GAL3ST3: variants seen among roughly 807,000 people sequenced by gnomAD.
GAL3ST3 encodes galactose-3-O-sulfotransferase 3.
GAL3ST3 carries 21 observed loss-of-function variants against 20.8 expected under a neutral mutation model. That is an observed-to-expected ratio of 1.01 (90% CI 0.72 to 1.45). The LOEUF (loss-of-function observed/expected upper bound fraction) is 1.45. Ranked by LOEUF, GAL3ST3 falls within the 40% of genes most tolerant of loss-of-function variation. The pLI is 0.00. For missense variants in GAL3ST3, 739 were observed against 662.7 expected (o/e 1.12, Z -1.26); for synonymous variants, 355 against 307.2 (o/e 1.16, Z -1.63).
At chr11:66,044,980 C>T (rs540635096) in intron 2 of GAL3ST3, 64 of 215,926 alleles carry the variant, frequency 3.0e-4, no homozygotes, top group African/African-American at 1.4e-3. Context: ...AACGGGGGCT[C>T]GGAGAAGTGA....
At chr11:66,044,560 C>T (rs2135021008) in intron 2 of GAL3ST3, among the ~76,000 whole-genome samples, 1 of 152,288 alleles carries the variant, frequency 6.6e-6, no homozygotes, top group Admixed American at 6.5e-5. Context: ...TTTGCAGCAA[C>T]CCATTGTTAT....
chr11:66,043,686 C>A lies in GAL3ST3; in HGVS notation c.126-9G>T. The A allele has an allele frequency of 6.3e-7, 1 of 1,592,000 alleles. No homozygotes were observed. Reference sequence around the variant, plus strand: ...GGAACAGCTTGGGGTACCTGCCAGGCCCAGGGAGTGTGCGGAGAGGAGGGT... The same window carrying A: ...GGAACAGCTTGGGGTACCTGCCAGGACCAGGGAGTGTGCGGAGAGGAGGGT... On this transcript the variant is annotated splice_polypyrimidine_tract_variant and intron_variant, in intron 2 of 2. Coordinates refer to ENST00000312006, the MANE Select transcript of GAL3ST3 (RefSeq NM_033036.3).
rs1244356294 is a variant in GAL3ST3, at chr11:66,043,532, T to C, written c.271A>G (p.Asn91Asp). Residue 91 changes from asparagine (N) to aspartate (D), a missense_variant, in exon 3 of 3, where the codon AAC becomes GAC. Coordinates refer to ENST00000312006, the MANE Select transcript of GAL3ST3 (RefSeq NM_033036.3). ...NILFRFAERH[N>D]LTVALPHPSC... ...GGGTGCGGCAGGGCCACCGTCAGGT[T>C]GTGGCGCTCGGCAAAGCGAAACAGG... 6.2e-7 allele frequency: 1 copy of C among 1,610,800 alleles called. No homozygotes were observed. The highest frequency in any genetic ancestry group is 8.5e-7 in the Non-Finnish European group (1 of 1,179,788).
At position 66,042,629 on chromosome 11, in the gene GAL3ST3, A is replaced by G; in HGVS notation, c.1174T>C (p.Ser392Pro). The part of the protein sequence containing the change: ...LKLAMPEVQY[S>P]NYLLRKQKRR... ...TTCTGCTTGCGCAACAGGTAGTTCGAGTACTGGACCTCGGGCATGGCCAGC... is the reference window on the plus strand; with the variant it reads ...TTCTGCTTGCGCAACAGGTAGTTCGGGTACTGGACCTCGGGCATGGCCAGC... Residue 392 changes from serine to proline, a missense_variant, in exon 3 of 3, where the codon TCG becomes CCG. Transcript: ENST00000312006. The G allele has an allele frequency of 1.3e-6, 2 of 1,536,578 alleles. No individual in the cohort carries two copies. Among genetic ancestry groups the G allele is most frequent in the Non-Finnish European group, 1.7e-6 (2 of 1,147,150 alleles).
chr11:66,045,194 C>T (rs1856767658), intron 2 of GAL3ST3, 97 bp downstream of exon 2: 1 of 1,132,896 alleles, frequency 8.8e-7, no homozygotes, highest in African/African-American at 1.6e-5. Flanking sequence ...AAAGCACTTT[C>T]AGAATAGAGG....
At chr11:66,046,789 C>CG (rs1205390874) in intron 1 of GAL3ST3, among the ~76,000 whole-genome samples, 1 of 152,138 alleles carries the variant, frequency 6.6e-6, no homozygotes, top group Non-Finnish European at 1.5e-5. Flanking sequence ...TCCTTCTCCA[C>CG]GGGGGAGGGG....
rs146692707 is a variant in GAL3ST3 at position 66,043,221 on chromosome 11, G to C, written c.582C>G (p.Gly194=). The change falls in exon 3 of 3, where the codon GGC becomes GGG. Residue 194 remains glycine, a synonymous_variant. Transcript: ENST00000312006. ...LRAPEAYYRA[G]EHFAMFAHNT... ...TGTGTGCGAACATGGCGAAGTGCTCGCCAGCGCGGTAGTATGCCTCGGGCG... is the reference window on the plus strand; with the variant it reads ...TGTGTGCGAACATGGCGAAGTGCTCCCCAGCGCGGTAGTATGCCTCGGGCG... 11 of 1,612,254 alleles carry C rather than the reference G, an allele frequency of 6.8e-6. No homozygotes were observed. In the African/African-American group the frequency reaches 1.2e-4, roughly 18 times the overall value.
chr11:66,043,369 G>A lies in GAL3ST3; in HGVS notation c.434C>T (p.Thr145Ile). Residue 145 changes from threonine to isoleucine, a missense_variant, in exon 3 of 3, where the codon ACC becomes ATC. Thr to Ile is a moderately conservative substitution (Grantham distance 89, BLOSUM62 -1). Coordinates refer to ENST00000312006, the MANE Select transcript of GAL3ST3 (RefSeq NM_033036.3). ...AELERLMPPS[T>I]VYVTILREPA... Reference sequence around the variant, plus strand: ...CTCGCGCAGGATGGTGACATAGACGGTGCTGGGCGGCATGAGGCGCTCCAG... The same window carrying A: ...CTCGCGCAGGATGGTGACATAGACGATGCTGGGCGGCATGAGGCGCTCCAG... The A allele has an allele frequency of 1.2e-6, 2 of 1,610,190 alleles. No individual in the cohort carries two copies. The highest frequency in any genetic ancestry group is 1.1e-5 in the South Asian group (1 of 90,794).
chr11:66,047,370 G>A (rs955558566), intron 1 of GAL3ST3, among the ~76,000 whole-genome samples: 14 of 152,200 alleles, frequency 9.2e-5, no homozygotes, highest in African/African-American at 3.4e-4. Context: ...GAGGATTCAG[G>A]GTCAGCCAAG....
At chr11:66,048,794 C>T (rs550935478) in intron 1 of GAL3ST3, among the ~76,000 whole-genome samples, 1 of 152,124 alleles carries the variant, frequency 6.6e-6, no homozygotes, top group African/African-American at 2.4e-5. Flanking sequence ...CCAGCATCCC[C>T]CAGGGATCCT....
At chr11:66,047,315 C>T (rs115793637) in intron 1 of GAL3ST3, among the ~76,000 whole-genome samples, 155 of 152,332 alleles carry the variant, frequency 1.0e-3, no homozygotes, top group African/African-American at 3.5e-3. Flanking sequence ...AGAGGGGAGT[C>T]TACATCCACC....
intron 1 of GAL3ST3, among the ~76,000 whole-genome samples, chr11:66,047,413 G>C (rs1047604690): frequency 5.3e-5 from 8 of 152,184 alleles, no homozygotes; most frequent in Admixed American, 4.6e-4. Context: ...GACCTTTCCC[G>C]AGGGCAGAGC....
At position 66,045,451 on chromosome 11, in the gene GAL3ST3, A is replaced by G. The variant is rs1356252428; in HGVS notation, c.-36T>C. The G allele has an allele frequency of 4.6e-6, 7 of 1,527,498 alleles. No homozygotes were observed. Among genetic ancestry groups the G allele is most frequent in the Non-Finnish European group, 6.2e-6 (7 of 1,134,940 alleles). The allele number at this position is 1,527,498 out of a possible 1,614,324, so 94.6% of individuals were successfully genotyped here. A position where few individuals can be genotyped will look rare whatever the true frequency, so the allele number is the denominator to read the frequency against. On this transcript the variant is annotated 5_prime_UTR_variant, in exon 2 of 3. Coordinates refer to ENST00000312006, the MANE Select transcript of GAL3ST3 (RefSeq NM_033036.3). ...CCACCCCTGGACCAGCCAGGGCCTCACTATCCAGGACTCCCTTCACAGGCA... is the reference window on the plus strand; with the variant it reads ...CCACCCCTGGACCAGCCAGGGCCTCGCTATCCAGGACTCCCTTCACAGGCA...
chr11:66,045,216 G>A (rs1234355453), intron 2 of GAL3ST3, 75 bp downstream of exon 2: 1 of 1,311,060 alleles, frequency 7.6e-7, no homozygotes, highest in African/African-American at 1.5e-5. Flanking sequence ...GAGGAGCAAA[G>A]CCTAGCAGGA....
At position 66,042,636 on chromosome 11, in the gene GAL3ST3, G is replaced by A. The variant is rs1042753729; in HGVS notation, c.1167C>T (p.Val389=). 43 of 1,536,226 alleles carry A rather than the reference G, an allele frequency of 2.8e-5. No individual in the cohort carries two copies. The African/African-American group carries it at 5.5e-4, about 20-fold the overall frequency. Residue 389 remains valine (V), a synonymous_variant, in exon 3 of 3, where the codon GTC becomes GTT. Coordinates refer to ENST00000312006, the MANE Select transcript of GAL3ST3 (RefSeq NM_033036.3). ...EACLKLAMPE[V]QYSNYLLRKQ... Reference sequence around the variant, plus strand: ...TGCGCAACAGGTAGTTCGAGTACTGGACCTCGGGCATGGCCAGCTTGAGGC... The same window carrying A: ...TGCGCAACAGGTAGTTCGAGTACTGAACCTCGGGCATGGCCAGCTTGAGGC...
In GAL3ST3 at chr11:66,043,272, G is replaced by C; in HGVS notation, c.531C>G (p.Asn177Lys). 1.2e-6 allele frequency: 2 copies of C among 1,612,148 alleles called. No homozygotes were observed. The highest frequency in any genetic ancestry group is 1.7e-6 in the Non-Finnish European group (2 of 1,179,164). ...QYCPAFRRVP[N>K]ASLEAFLRAP... Reference sequence around the variant, plus strand: ...CGCGCAGGAAGGCCTCGAGCGAGGCGTTGGGTACGCGCCGGAAGGCCGGGC... The same window carrying C: ...CGCGCAGGAAGGCCTCGAGCGAGGCCTTGGGTACGCGCCGGAAGGCCGGGC... Residue 177 changes from asparagine to lysine, a missense_variant, in exon 3 of 3, where the codon AAC becomes AAG. Physicochemically the swap from Asn to Lys is moderately conservative, Grantham distance 94. Coordinates refer to ENST00000312006, the MANE Select transcript of GAL3ST3 (RefSeq NM_033036.3).
chr11:66,044,268 C>A (rs930499928), intron 2 of GAL3ST3, among the ~76,000 whole-genome samples: 14 of 152,194 alleles, frequency 9.2e-5, no homozygotes, highest in Non-Finnish European at 1.2e-4. Context: ...TCCAGAAGTT[C>A]CCAGTAAGCC....
Position 66,042,933 on chromosome 11 carries a change from C to G in GAL3ST3, c.870G>C (p.Trp290Cys), listed in dbSNP as rs947013979. Residue 290 changes from tryptophan (W) to cysteine (C), a missense_variant, in exon 3 of 3, where the codon TGG becomes TGC. Transcript: ENST00000312006. ...PAALARAARTWNALDAGLYDH... is the reference protein window; with the variant it reads ...PAALARAARTCNALDAGLYDH... ...CGTAGAGGCCGGCGTCCAGGGCGTT[C>G]CAGGTGCGCGCCGCCCGCGCCAGCG... 2.4e-6 allele frequency: 3 copies of G among 1,240,416 alleles called. No homozygotes were observed. Among genetic ancestry groups the G allele is most frequent in the Non-Finnish European group, 2.0e-6 (2 of 984,260 alleles). 76.8% of individuals were successfully genotyped at this position (1,240,416 alleles called of 1,614,324 possible).
chr11:66,044,962 G>A (rs1172491783), intron 2 of GAL3ST3: 1 of 190,480 alleles, frequency 5.2e-6, no homozygotes, highest in Non-Finnish European at 1.1e-5. Flanking sequence ...TCACTTTATA[G>A]ATGAGAAAAC....
Sources: gnomAD v4.1 joint callset for allele counts (sites outside exome capture counted in the v4.1 genomes callset) on GRCh38, gnomAD v4.1.1 for gene constraint, MANE v1.5 for transcripts, NCBI Gene and HGNC (gene_info 2026-07-23, HGNC 2026-07-21) for gene names.